Variants in LRP1B observed in about 807,000 individuals in gnomAD.
LRP1B encodes the protein LDL receptor related protein 1B, also known as low-density lipoprotein receptor-related protein 1B.
In LRP1B, 217 loss-of-function variants were observed where a neutral mutation model predicts 556.6. That is an observed-to-expected ratio of 0.39 (90% confidence interval 0.35 to 0.44). LRP1B has a LOEUF of 0.44. Ranked by LOEUF, LRP1B falls within the 20% of genes least tolerant of loss-of-function variation. The pLI is 1.00. For synonymous variants in LRP1B, 2,047 were observed against 1,865.8 expected (o/e 1.10, Z -2.50); for missense variants, 5,053 against 5,620.8 (o/e 0.90, Z 3.23).
intron 41 of LRP1B, among the ~76,000 whole-genome samples, chr2:140,637,612 C>A (rs1684117019): frequency 6.6e-6 from 1 of 151,916 alleles, no homozygotes; most frequent in African/African-American, 2.4e-5. Context: ...AACTCAAATT[C>A]TCTCACTGCT....
chr2:140,908,389 TATAA>T (rs200851010), intron 21 of LRP1B, among the ~76,000 whole-genome samples: 15 of 114,296 alleles, frequency 1.3e-4, no homozygotes, highest in African/African-American at 2.5e-4. Flanking sequence ...TATATATATA[TATAA>T]AAAGAAGGTT....
intron 3 of LRP1B, among the ~76,000 whole-genome samples, chr2:141,395,969 G>C (rs1031161431): frequency 6.6e-6 from 1 of 152,132 alleles, no homozygotes; most frequent in Non-Finnish European, 1.5e-5. Context: ...ATTTAATTGA[G>C]AGAATGATCC....
intron 41 of LRP1B, among the ~76,000 whole-genome samples, chr2:140,683,062 C>G (rs1685919661): frequency 6.6e-6 from 1 of 152,170 alleles, no homozygotes; most frequent in African/African-American, 2.4e-5. Flanking sequence ...TCATTAATAC[C>G]TATTCAGAAT....
At chr2:140,879,923 C>T (rs192549547) in intron 25 of LRP1B, among the ~76,000 whole-genome samples, 83 of 145,878 alleles carry the variant, frequency 5.7e-4, no homozygotes, top group African/African-American at 2.1e-3. Context: ...GATCAAGCAG[C>T]AGAAGGTAAA....
chr2:141,823,553 CT>C (rs578242283), intron 1 of LRP1B, among the ~76,000 whole-genome samples: 4 of 152,242 alleles, frequency 2.6e-5, no homozygotes, highest in Non-Finnish European at 5.9e-5. Context: ...GATTGTCAAG[CT>C]GATTAGGTGG....
intron 22 of LRP1B, among the ~76,000 whole-genome samples, chr2:140,907,299 T>A (rs1694285256): frequency 6.6e-6 from 1 of 152,122 alleles, no homozygotes; most frequent in Admixed American, 6.6e-5. Context: ...TAAGAAAGAT[T>A]GCTAGTCAAC....
At chr2:141,432,651 CTCTG>C (rs1680604033) in intron 3 of LRP1B, among the ~76,000 whole-genome samples, 1 of 151,850 alleles carries the variant, frequency 6.6e-6, no homozygotes, top group Admixed American at 6.6e-5. Flanking sequence ...TTTTGGTAAC[CTCTG>C]TCTATTAATT....
intron 2 of LRP1B, among the ~76,000 whole-genome samples, chr2:141,619,938 T>C (rs972389956): frequency 6.6e-5 from 10 of 152,332 alleles, no homozygotes; most frequent in African/African-American, 2.2e-4. Context: ...ATGCTACTTA[T>C]AATTGGCTAT....
intron 2 of LRP1B, among the ~76,000 whole-genome samples, chr2:141,755,149 G>A (rs1010691928): frequency 1.3e-5 from 2 of 152,050 alleles, no homozygotes; most frequent in Non-Finnish European, 2.9e-5. Flanking sequence ...CAACCATAGT[G>A]AAGAAGATTC....
intron 16 of LRP1B, among the ~76,000 whole-genome samples, chr2:140,992,020 C>T (rs560750560): frequency 4.0e-4 from 61 of 151,998 alleles, no homozygotes; most frequent in Non-Finnish European, 7.4e-4. Context: ...CTATAAATAT[C>T]GCTCTGAAAA....
chr2:141,019,314 A>C (rs1401333152), intron 12 of LRP1B, among the ~76,000 whole-genome samples: 1 of 152,114 alleles, frequency 6.6e-6, no homozygotes, highest in Non-Finnish European at 1.5e-5. Context: ...TAGACTAATA[A>C]AAAGTAGTGA....
intron 3 of LRP1B, among the ~76,000 whole-genome samples, chr2:141,292,692 A>G (rs965200543): frequency 6.6e-6 from 1 of 152,166 alleles, no homozygotes; most frequent in Non-Finnish European, 1.5e-5. Context: ...GAAAATCATC[A>G]GACAATTTTC....
intron 2 of LRP1B, among the ~76,000 whole-genome samples, chr2:141,544,329 T>TTC (rs1487821384): frequency 9.5e-5 from 3 of 31,732 alleles, no homozygotes; most frequent in Non-Finnish European, 2.3e-4. Flanking sequence ...CTTCTTCTTC[T>TTC]TCTTCTTCTT....
At chr2:141,279,168 C>G (rs547046462) in intron 3 of LRP1B, among the ~76,000 whole-genome samples, 1 of 151,308 alleles carries the variant, frequency 6.6e-6, no homozygotes, top group African/African-American at 2.4e-5. Context: ...ACAAACCATA[C>G]AGAAACGAAG....
At chr2:140,888,756 G>C (rs1213269101) in intron 23 of LRP1B, among the ~76,000 whole-genome samples, 1 of 151,900 alleles carries the variant, frequency 6.6e-6, no homozygotes, top group African/African-American at 2.4e-5. Flanking sequence ...CTGAGGTCAG[G>C]AGTTTGAGAC....
chr2:141,205,782 A>G (rs999589125), intron 6 of LRP1B, among the ~76,000 whole-genome samples: 1 of 152,214 alleles, frequency 6.6e-6, no homozygotes, highest in Non-Finnish European at 1.5e-5. Context: ...GTTTCTGTTC[A>G]GAAATTTGGA....
chr2:140,635,648 T>C (rs1195596625), intron 41 of LRP1B, among the ~76,000 whole-genome samples: 2 of 151,836 alleles, frequency 1.3e-5, no homozygotes, highest in African/African-American at 4.8e-5. Context: ...CTGAGTTTTA[T>C]GTCCTATACT....
At chr2:140,305,247 A>G (rs1001036548) in intron 83 of LRP1B, among the ~76,000 whole-genome samples, 1 of 152,202 alleles carries the variant, frequency 6.6e-6, no homozygotes, top group Admixed American at 6.5e-5. Flanking sequence ...TACCTTGGGC[A>G]GTATGGCCAT....
At chr2:141,162,741 A>G (rs1250349169) in intron 7 of LRP1B, among the ~76,000 whole-genome samples, 1 of 152,146 alleles carries the variant, frequency 6.6e-6, no homozygotes, top group Non-Finnish European at 1.5e-5. Context: ...ATTGGCATCT[A>G]GATGTTTTGT....
Sources: allele counts gnomAD v4.1 joint callset (sites outside exome capture counted in the v4.1 genomes callset), GRCh38; gene constraint gnomAD v4.1.1; transcripts MANE v1.5; gene names NCBI Gene and HGNC (gene_info 2026-07-23, HGNC 2026-07-21).